The following CSMD3 variants were observed in gnomAD, a reference collection of about 807,000 sequenced individuals.
The protein encoded by CSMD3 is CUB and Sushi multiple domains 3.
A neutral mutation model predicts 435.2 loss-of-function variants in CSMD3; 177 were observed. The ratio of observed to expected loss-of-function variants is 0.41; its 90% CI spans 0.36 to 0.46. The LOEUF is 0.46. Among genes scored for constraint, CSMD3 ranks in the 20% least tolerant of loss-of-function variants. The pLI is 0.34. For missense variants in CSMD3, 4,265 were observed against 4,504.6 expected, an observed-to-expected ratio of 0.95 and a Z score of 1.52; for synonymous variants, 1,656 against 1,520.5, an observed-to-expected ratio of 1.09 and a Z score of -2.07.
At chr8:113,368,168 CT>C in intron 1 of CSMD3, among the ~76,000 whole-genome samples, 1 of 152,242 alleles carries the variant, frequency 6.6e-6, no homozygotes, top group Non-Finnish European at 1.5e-5. Context: ...AACTGCCAGA[CT>C]ACCAAACTTC....
chr8:113,335,484 C>T (rs1182678029), intron 1 of CSMD3, among the ~76,000 whole-genome samples: 2 of 143,766 alleles, frequency 1.4e-5, no homozygotes, highest in African/African-American at 2.6e-5. Flanking sequence ...AGATGTTCAG[C>T]TCTTTTTCTA....
intron 23 of CSMD3, among the ~76,000 whole-genome samples, chr8:112,578,026 T>C (rs1830073606): frequency 6.6e-6 from 1 of 152,108 alleles, no homozygotes; most frequent in African/African-American, 2.4e-5. Flanking sequence ...ATTTTTACTT[T>C]TGGTCATTTG....
chr8:112,913,037 G>C (rs2082469430), intron 10 of CSMD3, among the ~76,000 whole-genome samples: 1 of 151,860 alleles, frequency 6.6e-6, no homozygotes, highest in African/African-American at 2.4e-5. Context: ...CCTCAATCTG[G>C]TGTAATCTGC....
At chr8:113,346,202 T>C (rs2094150195) in intron 1 of CSMD3, among the ~76,000 whole-genome samples, 1 of 152,012 alleles carries the variant, frequency 6.6e-6, no homozygotes, top group African/African-American at 2.4e-5. Context: ...TCTTAGTCAA[T>C]AACTGGGATT....
chr8:113,389,960 C>A (rs2094454734), intron 1 of CSMD3, among the ~76,000 whole-genome samples: 1 of 151,664 alleles, frequency 6.6e-6, no homozygotes, highest in Admixed American at 6.6e-5. Context: ...TTCTTTCTGA[C>A]ATTATTGCTA....
chr8:112,320,031 T>C, intron 45 of CSMD3, 50 bp from the exon 46 acceptor site: 1 of 1,179,110 alleles, frequency 8.5e-7, no homozygotes, highest in South Asian at 1.2e-5. Flanking sequence ...GCTACATGTA[T>C]TCACATATGC....
chr8:113,206,703 T>C (rs1250079590), intron 3 of CSMD3, among the ~76,000 whole-genome samples: 1 of 152,134 alleles, frequency 6.6e-6, no homozygotes, highest in East Asian at 1.9e-4. Flanking sequence ...CTGTACACCT[T>C]GGGAGTCTAA....
At chr8:112,554,210 G>A (rs947470426) in intron 25 of CSMD3, among the ~76,000 whole-genome samples, 21 of 151,880 alleles carry the variant, frequency 1.4e-4, no homozygotes, top group Admixed American at 6.6e-5. Context: ...AGACAAAAGA[G>A]AGAGACAGAG....
chr8:112,546,160 T>C (rs557741126), intron 27 of CSMD3, among the ~76,000 whole-genome samples: 17 of 152,196 alleles, frequency 1.1e-4, no homozygotes, highest in Non-Finnish European at 1.9e-4. Context: ...TGTATATAAA[T>C]GAATAGTGAG....
intron 3 of CSMD3, among the ~76,000 whole-genome samples, chr8:113,278,389 T>G (rs1309720123): frequency 6.6e-6 from 1 of 151,876 alleles, no homozygotes; most frequent in African/African-American, 2.4e-5. Flanking sequence ...AGCAATTTAA[T>G]GGTCTCACAT....
chr8:112,359,345 T>C (rs1416621908), intron 38 of CSMD3, among the ~76,000 whole-genome samples: 1 of 152,198 alleles, frequency 6.6e-6, no homozygotes, highest in Non-Finnish European at 1.5e-5. Flanking sequence ...TCTTTTTGGA[T>C]ACTTAACACA....
chr8:113,435,623 C>A (rs1245279654), intron 1 of CSMD3, among the ~76,000 whole-genome samples: 1 of 151,990 alleles, frequency 6.6e-6, no homozygotes, highest in Non-Finnish European at 1.5e-5. Flanking sequence ...CCCCCGCCCC[C>A]CCGCGACACA....
chr8:113,333,803 A>G (rs2094047213), intron 1 of CSMD3, among the ~76,000 whole-genome samples: 1 of 151,882 alleles, frequency 6.6e-6, no homozygotes, highest in Admixed American at 6.6e-5. Flanking sequence ...CTACGTCTAC[A>G]AAAAGTCTTG....
At chr8:112,545,501 A>AAAAT (rs1554609897) in intron 27 of CSMD3, among the ~76,000 whole-genome samples, 14 of 122,678 alleles carry the variant, frequency 1.1e-4, no homozygotes, top group African/African-American at 4.3e-4. Flanking sequence ...AAAAAAAAAA[A>AAAAT]AATAATAATA....
rs543433627 is a variant in CSMD3, at chr8:112,412,243, CTT to C, written c.5396-3213_5396-3212del. ...ATTATGCTCTTTTTAAAAATTACCT[CTT>C]AACACTGACCTGATGCTGGTGCCTC... On this transcript the variant is annotated intron_variant, in intron 32 of 70. Coordinates refer to ENST00000297405, the MANE Select transcript of CSMD3 (RefSeq NM_198123.2). Among the ~76,000 whole-genome samples, 96 of 152,144 alleles carry C rather than the reference CTT, an allele frequency of 6.3e-4. 1 individual carries two copies. The highest frequency in any genetic ancestry group is 2.2e-3 in the African/African-American group (93 of 41,546).
At chr8:112,336,871 CAAT>C (rs765341513) in intron 43 of CSMD3, 42 bp from the exon 44 acceptor site, 2 of 1,502,262 alleles carry the variant, frequency 1.3e-6, no homozygotes, top group Non-Finnish European at 1.8e-6. Flanking sequence ...TTTAAAATAA[CAAT>C]AAACTGACTG....
intron 3 of CSMD3, among the ~76,000 whole-genome samples, chr8:113,223,831 C>A (rs1588309611): frequency 6.7e-6 from 1 of 148,250 alleles, no homozygotes. Flanking sequence ...GAAAAAAAAA[C>A]ATGTTTCTGC....
At chr8:112,464,858 G>A (rs1242088109) in intron 32 of CSMD3, among the ~76,000 whole-genome samples, 1 of 152,072 alleles carries the variant, frequency 6.6e-6, no homozygotes, top group South Asian at 2.1e-4. Context: ...TAATCTAAAG[G>A]AGATATGAAA....
chr8:112,425,097 C>G (rs1812928094), intron 32 of CSMD3, among the ~76,000 whole-genome samples: 1 of 152,178 alleles, frequency 6.6e-6, no homozygotes, highest in Non-Finnish European at 1.5e-5. Context: ...AAATTCTTTA[C>G]AGTTAAATGA....
Sources: allele counts gnomAD v4.1 joint callset (sites outside exome capture counted in the v4.1 genomes callset), GRCh38; gene constraint gnomAD v4.1.1; transcripts MANE v1.5; gene names NCBI Gene and HGNC (gene_info 2026-07-23, HGNC 2026-07-21).